NOS1: variants seen among roughly 807,000 people sequenced by gnomAD.
NOS1 encodes nitric oxide synthase 1.
Under a neutral mutation model 164.5 loss-of-function variants are expected in NOS1, and 51 were observed. The ratio of observed to expected loss-of-function variants is 0.31; its 90% CI spans 0.25 to 0.39. The LOEUF is 0.39. Ranked by LOEUF, NOS1 falls within the 10% of genes least tolerant of loss-of-function variation. The pLI, the probability that NOS1 is intolerant of heterozygous loss-of-function variation, is 1.00. For missense variants in NOS1, 1,362 were observed against 1,885.6 expected, an observed-to-expected ratio of 0.72 and a Z score of 5.14; for synonymous variants, 719 against 745.8, an observed-to-expected ratio of 0.96 and a Z score of 0.59.
intron 2 of NOS1, among the ~76,000 whole-genome samples, chr12:117,324,715 C>CTAAA (rs56906790): frequency 0.014 from 2,075 of 149,342 alleles, 42 homozygotes; most frequent in African/African-American, 0.046. Flanking sequence ...GACTCTGTCT[C>CTAAA]TAAATAAATA....
rs1253935526 is a variant in NOS1, at chr12:117,288,165, G to T, written c.1036C>A (p.His346Asn). The T allele has an allele frequency of 2.5e-6, 4 of 1,613,704 alleles. No individual in the cohort carries two copies. In the South Asian group the frequency reaches 4.4e-5, roughly 18 times the overall value. ...CGGACGTCTTCAGGCCTCCTTGCAT[G>T]CTGAGAAGGATGCATGATGGAGCCC... is the stretch of plus-strand genomic sequence containing the variant. Reference protein sequence around the residue: ...CMGSIMHPSQHARRPEDVRTK... With the variant: ...CMGSIMHPSQNARRPEDVRTK... The change falls in exon 5 of 29, where the codon CAT becomes AAT. Residue 346 changes from histidine to asparagine, a missense_variant. Transcript: ENST00000317775.
At chr12:117,299,277 A>G (rs1204811329) in intron 3 of NOS1, among the ~76,000 whole-genome samples, 1 of 152,232 alleles carries the variant, frequency 6.6e-6, no homozygotes, top group Non-Finnish European at 1.5e-5. Flanking sequence ...TTTGGAATAT[A>G]ATTTCCTTTA....
chr12:117,303,763 G>C (rs199499478), intron 3 of NOS1, among the ~76,000 whole-genome samples: 1 of 152,216 alleles, frequency 6.6e-6, no homozygotes, highest in East Asian at 1.9e-4. Flanking sequence ...AGAAAGGAAG[G>C]CAAGAAGGGC....
At chr12:117,219,306 T>G (rs994118126) in intron 27 of NOS1, among the ~76,000 whole-genome samples, 11 of 150,506 alleles carry the variant, frequency 7.3e-5, no homozygotes, top group Admixed American at 4.6e-4. Flanking sequence ...TTGTTTTGTT[T>G]TTTTTGTTTT....
intron 27 of NOS1, among the ~76,000 whole-genome samples, chr12:117,218,622 C>T (rs992164492): frequency 1.3e-5 from 2 of 152,000 alleles, no homozygotes; most frequent in African/African-American, 4.8e-5. Flanking sequence ...GGGAACTCCC[C>T]ACAGCTACCC....
intron 20 of NOS1, among the ~76,000 whole-genome samples, chr12:117,235,070 G>A (rs368761082): frequency 2.6e-5 from 4 of 151,890 alleles, no homozygotes; most frequent in Non-Finnish European, 4.4e-5. Flanking sequence ...GGCAGGCACC[G>A]TCATGCCTGG....
chr12:117,358,117 C>T (rs1367097150), intron 1 of NOS1, among the ~76,000 whole-genome samples: 1 of 152,222 alleles, frequency 6.6e-6, no homozygotes, highest in Non-Finnish European at 1.5e-5. Context: ...CACCCCAAAA[C>T]ATCTGCAGAT....
chr12:117,252,773 A>G (rs1871192268), intron 17 of NOS1, among the ~76,000 whole-genome samples: 1 of 152,242 alleles, frequency 6.6e-6, no homozygotes, highest in African/African-American at 2.4e-5. Flanking sequence ...AGATATTTCA[A>G]TAGCTAGCAA....
rs189434529 is a variant in NOS1, at chr12:117,322,971, T to C, written c.725+7374A>G. On this transcript the variant is annotated intron_variant, in intron 2 of 28. Coordinates refer to ENST00000317775, the MANE Select transcript of NOS1 (RefSeq NM_000620.5). ...GATGGGGATTCAGAGAAGAATGGAA[T>C]GTGGTGCTTAAATGGTGAGACCATG... Among the ~76,000 whole-genome samples, 21 of 151,114 alleles carry C rather than the reference T, an allele frequency of 1.4e-4. No homozygotes were observed. In the East Asian group the frequency reaches 3.5e-3, roughly 25 times the overall value.
rs1177467475 is a variant in NOS1 at position 117,290,446 on chromosome 12, T to C, written c.853-20A>G. The C allele has an allele frequency of 6.2e-7, 1 of 1,603,310 alleles. No homozygotes were observed. The highest frequency in any genetic ancestry group is 8.5e-7 in the Non-Finnish European group (1 of 1,174,420). The stretch of plus-strand genomic sequence containing the variant: ...GGGGGGCTGCAGGAGAGAATGAAGG[T>C]GGAAGATGAGGCAGGGCCTTGAGTG... On this transcript the variant is annotated intron_variant, in intron 3 of 28. Coordinates refer to ENST00000317775, the MANE Select transcript of NOS1 (RefSeq NM_000620.5).
intron 3 of NOS1, among the ~76,000 whole-genome samples, chr12:117,308,851 T>C (rs965244965): frequency 6.6e-6 from 1 of 152,130 alleles, no homozygotes; most frequent in Admixed American, 6.6e-5. Flanking sequence ...TCCCTCGGCC[T>C]CCCAAAGTGC....
chr12:117,210,214 C>T lies in NOS1; in HGVS notation c.*5095G>A. The T allele has an allele frequency of 1.2e-6, 1 of 838,862 alleles. No individual in the cohort carries two copies. The allele number at this position is 838,862 out of a possible 1,614,324, so 52.0% of individuals were successfully genotyped here. ...CAAGCTGGTCTCAAACTCCTGGCCC[C>T]AAGTGATCCTCCCACCTCAGTCTCC... On this transcript the variant is annotated 3_prime_UTR_variant, in exon 29 of 29. Transcript: ENST00000317775.
At chr12:117,300,420 T>A (rs1361814610) in intron 3 of NOS1, among the ~76,000 whole-genome samples, 1 of 152,142 alleles carries the variant, frequency 6.6e-6, no homozygotes, top group African/African-American at 2.4e-5. Context: ...ACCCAAACAC[T>A]AGTCAATTCA....
intron 16 of NOS1, among the ~76,000 whole-genome samples, chr12:117,257,282 C>T (rs1378129185): frequency 3.3e-5 from 5 of 151,792 alleles, no homozygotes; most frequent in Non-Finnish European, 5.9e-5. Flanking sequence ...TGGGATCTTG[C>T]TATATTGCCC....
At chr12:117,275,512 A>ATATTCAGT (rs1873111938) in intron 9 of NOS1, among the ~76,000 whole-genome samples, 1 of 152,172 alleles carries the variant, frequency 6.6e-6, no homozygotes, top group African/African-American at 2.4e-5. Context: ...AGGAGGGAGA[A>ATATTCAGT]GGGAGAATGG....
Position 117,252,509 on chromosome 12 carries a change from C to T in NOS1, c.2648+1129G>A, listed in dbSNP as rs9658448. 7.5e-3 allele frequency among the ~76,000 whole-genome samples: 1,142 copies of T among 152,264 alleles called. 21 individuals are homozygous for T. The highest frequency in any genetic ancestry group is 0.026 in the African/African-American group (1,063 of 41,530). ...GCTGAAAAAAGTACTGATGTCAAAACCTATAGAATGTTCAACACCAAGAGT... is the reference window on the plus strand; with the variant it reads ...GCTGAAAAAAGTACTGATGTCAAAATCTATAGAATGTTCAACACCAAGAGT... On this transcript the variant is annotated intron_variant, in intron 17 of 28. Coordinates refer to ENST00000317775, the MANE Select transcript of NOS1 (RefSeq NM_000620.5).
chr12:117,316,879 TTTA>T (rs893471252), intron 2 of NOS1, among the ~76,000 whole-genome samples: 17 of 152,178 alleles, frequency 1.1e-4, no homozygotes, highest in African/African-American at 4.1e-4. Context: ...ACTCTGTTTT[TTTA>T]TTATTATTAT....
chr12:117,274,247 C>G (rs185911181), intron 9 of NOS1, among the ~76,000 whole-genome samples: 16 of 152,200 alleles, frequency 1.1e-4, no homozygotes, highest in African/African-American at 3.9e-4. Context: ...GATATGCAAA[C>G]GAAACCCACA....
chr12:117,294,093 C>T (rs755356973), intron 3 of NOS1, among the ~76,000 whole-genome samples: 5 of 152,184 alleles, frequency 3.3e-5, no homozygotes, highest in Non-Finnish European at 7.3e-5. Flanking sequence ...CCTACCTTGC[C>T]CACAGGAAGG....
Sources: allele counts gnomAD v4.1 joint callset (sites outside exome capture counted in the v4.1 genomes callset), GRCh38; gene constraint gnomAD v4.1.1; transcripts MANE v1.5; gene names NCBI Gene and HGNC (gene_info 2026-07-23, HGNC 2026-07-21).